The following DTNA variants were observed in gnomAD, a reference collection of about 807,000 sequenced individuals.
The protein encoded by DTNA is dystrophin-related protein 3.
DTNA carries 43 observed loss-of-function variants against 100.7 expected under a neutral mutation model. The observed-to-expected ratio is 0.43, with a 90% confidence interval of 0.33 to 0.55. DTNA has a LOEUF of 0.55. Among genes scored for constraint, DTNA ranks in the 20% least tolerant of loss-of-function variants. The probability of loss-of-function intolerance (pLI) is 0.04; values close to 1 mark genes in which losing one functional copy is unlikely to be tolerated. For missense variants in DTNA, 798 were observed against 953.9 expected (o/e 0.84, Z 2.15); for synonymous variants, 349 against 347.9 (o/e 1.00, Z -0.04).
At chr18:34,882,920 G>A (rs2096887346) in intron 21 of DTNA, among the ~76,000 whole-genome samples, 1 of 152,186 alleles carries the variant, frequency 6.6e-6, no homozygotes, top group African/African-American at 2.4e-5. Context: ...CTCATGCCAA[G>A]TGTAAGTAGG....
chr18:34,725,586 A>T (rs1210079774), intron 1 of DTNA, among the ~76,000 whole-genome samples: 2 of 152,224 alleles, frequency 1.3e-5, no homozygotes, highest in Non-Finnish European at 2.9e-5. Context: ...ATCATTAAAA[A>T]GTCAGGAAAA....
chr18:34,518,202 T>C (rs2041834652), intron 1 of DTNA, among the ~76,000 whole-genome samples: 1 of 152,172 alleles, frequency 6.6e-6, no homozygotes, highest in Admixed American at 6.6e-5. Flanking sequence ...CATCTTTTCA[T>C]GTGCTTATCT....
chr18:34,591,299 G>C (rs2049697550), intron 1 of DTNA, among the ~76,000 whole-genome samples: 1 of 152,068 alleles, frequency 6.6e-6, no homozygotes, highest in African/African-American at 2.4e-5. Flanking sequence ...TTGGTTAATT[G>C]CCTGAAAAGA....
chr18:34,881,292 C>T (rs181046994), intron 20 of DTNA, among the ~76,000 whole-genome samples: 327 of 152,132 alleles, frequency 2.1e-3, no homozygotes, highest in Non-Finnish European at 3.6e-3. Flanking sequence ...CTCTTTTAGT[C>T]CTATGATTTA....
chr18:34,586,745 A>G (rs1040076290), intron 1 of DTNA, among the ~76,000 whole-genome samples: 4 of 152,194 alleles, frequency 2.6e-5, no homozygotes, highest in African/African-American at 9.6e-5. Flanking sequence ...ACCAAATTTT[A>G]CCCTCACTTC....
chr18:34,583,441 C>G (rs2048826665), intron 1 of DTNA, among the ~76,000 whole-genome samples: 1 of 152,056 alleles, frequency 6.6e-6, no homozygotes, highest in Non-Finnish European at 1.5e-5. Flanking sequence ...CAGAGAATTA[C>G]AATTAAAATG....
intron 3 of DTNA, among the ~76,000 whole-genome samples, chr18:34,769,936 G>T (rs888417644): frequency 6.6e-6 from 1 of 151,760 alleles, no homozygotes; most frequent in Non-Finnish European, 1.5e-5. Context: ...GGTCAGGCTG[G>T]TCTCAAACTC....
At chr18:34,602,723 A>C (rs966356028) in intron 1 of DTNA, among the ~76,000 whole-genome samples, 3 of 151,886 alleles carry the variant, frequency 2.0e-5, no homozygotes, top group Non-Finnish European at 4.4e-5. Flanking sequence ...AAACAAACAA[A>C]AAAAGAGGCC....
At chr18:34,494,685 G>A (rs1200256985) in intron 1 of DTNA, among the ~76,000 whole-genome samples, 2 of 152,004 alleles carry the variant, frequency 1.3e-5, no homozygotes, top group South Asian at 2.1e-4. Flanking sequence ...GGCAGGGGAG[G>A]CGCAAATATT....
intron 1 of DTNA, among the ~76,000 whole-genome samples, chr18:34,648,056 A>T (rs1446189399): frequency 1.3e-5 from 2 of 152,224 alleles, no homozygotes; most frequent in African/African-American, 2.4e-5. Context: ...TAGCAAAAAG[A>T]AGAGTTGTGT....
chr18:34,669,437 A>G (rs2076429202), intron 1 of DTNA, among the ~76,000 whole-genome samples: 1 of 152,148 alleles, frequency 6.6e-6, no homozygotes, highest in Non-Finnish European at 1.5e-5. Context: ...TTTAAGGTTA[A>G]TACTGTTATG....
intron 1 of DTNA, among the ~76,000 whole-genome samples, chr18:34,521,678 C>T (rs1280062491): frequency 6.6e-6 from 1 of 152,144 alleles, no homozygotes; most frequent in East Asian, 1.9e-4. Flanking sequence ...TGCACTTGCT[C>T]TGACCCCTAC....
At position 34,833,620 on chromosome 18, in the gene DTNA, G is replaced by A. The variant is rs186593634; in HGVS notation, c.1175+4131G>A. Among the ~76,000 whole-genome samples, 1,269 of 152,196 alleles carry A rather than the reference G, an allele frequency of 8.3e-3. 18 individuals are homozygous for A. The highest frequency in any genetic ancestry group is 0.028 in the African/African-American group (1,144 of 41,526). On this transcript the variant is annotated intron_variant, in intron 11 of 22. Coordinates refer to ENST00000444659, the MANE Select transcript of DTNA (RefSeq NM_001386795.1). ...ACCATGCCATGCCCTCAAAGGTATG[G>A]CTGTTCCCACAACCATCAGTGATAA...
At chr18:34,501,835 T>C (rs1212950283) in intron 1 of DTNA, among the ~76,000 whole-genome samples, 1 of 152,206 alleles carries the variant, frequency 6.6e-6, no homozygotes, top group African/African-American at 2.4e-5. Flanking sequence ...TCACGTGGTC[T>C]TTTCCTCAGT....
intron 2 of DTNA, among the ~76,000 whole-genome samples, chr18:34,758,147 A>G (rs2092907093): frequency 6.6e-6 from 1 of 152,224 alleles, no homozygotes; most frequent in Non-Finnish European, 1.5e-5. Flanking sequence ...TCCCAGCTGT[A>G]TCAGCAGCAC....
intron 8 of DTNA, chr18:34,818,686 C>T (rs546027816): frequency 1.4e-5 from 15 of 1,088,866 alleles, no homozygotes; most frequent in East Asian, 6.4e-5. Context: ...TTTGTGGAAA[C>T]GGCTTAAAAA....
intron 1 of DTNA, among the ~76,000 whole-genome samples, chr18:34,496,631 A>G (rs2039268352): frequency 6.6e-6 from 1 of 152,162 alleles, no homozygotes; most frequent in African/African-American, 2.4e-5. Context: ...TAGTGAGCAG[A>G]AAGATCTGTG....
chr18:34,604,300 T>C (rs12958828), intron 1 of DTNA, among the ~76,000 whole-genome samples: 2 of 152,192 alleles, frequency 1.3e-5, no homozygotes, highest in South Asian at 4.1e-4. Context: ...AAAAAAAATT[T>C]GGGAAATATA....
chr18:34,645,309 C>A (rs2059710188), intron 1 of DTNA, among the ~76,000 whole-genome samples: 1 of 152,038 alleles, frequency 6.6e-6, no homozygotes, highest in African/African-American at 2.4e-5. Flanking sequence ...CCTGCATATA[C>A]CCACTAGGGC....
Sources: gnomAD v4.1 joint callset for allele counts (sites outside exome capture counted in the v4.1 genomes callset) on GRCh38, gnomAD v4.1.1 for gene constraint, MANE v1.5 for transcripts, NCBI Gene and HGNC (gene_info 2026-07-23, HGNC 2026-07-21) for gene names.